Variants in GSE1 observed in about 807,000 individuals in gnomAD.
The protein encoded by GSE1 is genetic suppressor element 1.
Under a neutral mutation model 112.6 loss-of-function variants are expected in GSE1, and 32 were observed. The observed-to-expected ratio is 0.28, with a 90% confidence interval of 0.21 to 0.38. The LOEUF (loss-of-function observed/expected upper bound fraction) is 0.38, where lower values mean the gene tolerates loss of function less well. Ranked by LOEUF, GSE1 falls within the 10% of genes least tolerant of loss-of-function variation. The probability of loss-of-function intolerance (pLI) is 1.00; values close to 1 mark genes in which losing one functional copy is unlikely to be tolerated. For missense variants in GSE1, 2,348 were observed against 1,699.2 expected, an observed-to-expected ratio of 1.38 and a Z score of -6.71; for synonymous variants, 1,115 against 735.6, an observed-to-expected ratio of 1.52 and a Z score of -8.35.
intron 1 of GSE1, among the ~76,000 whole-genome samples, chr16:85,254,631 G>A (rs527371680): frequency 2.2e-4 from 33 of 152,262 alleles, no homozygotes; most frequent in Admixed American, 5.2e-4. Context: ...ACATCCTCGC[G>A]CCTCGCTCGC....
intron 2 of GSE1, among the ~76,000 whole-genome samples, chr16:85,470,460 T>C (rs1023638561): frequency 3.3e-5 from 5 of 152,220 alleles, no homozygotes; most frequent in African/African-American, 1.2e-4. Flanking sequence ...CATGGCCCCT[T>C]GGGGTCCCCT....
intron 1 of GSE1, among the ~76,000 whole-genome samples, chr16:85,263,248 C>T (rs890696730): frequency 1.3e-5 from 2 of 151,998 alleles, no homozygotes; most frequent in Admixed American, 6.6e-5. Flanking sequence ...TAGCAAAGAT[C>T]ATCAAACCTT....
chr16:85,625,548 C>G (rs116336412), intron 1 of GSE1, among the ~76,000 whole-genome samples: 2,866 of 152,314 alleles, frequency 0.019, 46 homozygotes, highest in African/African-American at 0.042. Flanking sequence ...CTTGCACTGT[C>G]CAATGCTGTT....
chr16:85,629,001 C>T (rs142888963), intron 1 of GSE1, among the ~76,000 whole-genome samples: 65 of 152,228 alleles, frequency 4.3e-4, no homozygotes, highest in South Asian at 2.5e-3. Flanking sequence ...GGGTTATCAC[C>T]GTCACCTTAG....
intron 1 of GSE1, among the ~76,000 whole-genome samples, chr16:85,208,641 G>C (rs1238448556): frequency 6.6e-6 from 1 of 152,106 alleles, no homozygotes; most frequent in African/African-American, 2.4e-5. Flanking sequence ...CTTAGCCTCA[G>C]GCTCTGTGCC....
chr16:85,648,124 A>T (rs530523831), intron 2 of GSE1, among the ~76,000 whole-genome samples: 1 of 151,606 alleles, frequency 6.6e-6, no homozygotes, highest in Non-Finnish European at 1.5e-5. Context: ...CCCTTGGTTC[A>T]TGACACCTCC....
At chr16:85,307,783 A>G (rs181372262) in intron 1 of GSE1, among the ~76,000 whole-genome samples, 1 of 152,204 alleles carries the variant, frequency 6.6e-6, no homozygotes, top group East Asian at 1.9e-4. Flanking sequence ...TATCATTAGC[A>G]TAGGCTGTTC....
intron 2 of GSE1, among the ~76,000 whole-genome samples, chr16:85,488,133 G>GT (rs750538844): frequency 5.3e-5 from 8 of 152,164 alleles, no homozygotes; most frequent in African/African-American, 1.2e-4. Context: ...GGAAGCGGAG[G>GT]AAAACCCGAG....
At position 85,419,735 on chromosome 16, in the gene GSE1, A is replaced by G. The variant is rs1015528841; in HGVS notation, c.2464+62092A>G. ...TGGAATCAGCTGGGGATCTCTAAAA[A>G]CCCCTCTGATGCCTGCCTCCCCCGC... On this transcript the variant is annotated intron_variant, in intron 2 of 2. Transcript: ENST00000637419. This position sits in a 1 kb window ranked among gnomAD's most constrained non-coding sequence, Gnocchi z 6.5. Among the ~76,000 whole-genome samples the G allele has an allele frequency of 6.6e-6, 1 of 151,526 alleles. No homozygotes were observed. The highest frequency in any genetic ancestry group is 1.5e-5 in the Non-Finnish European group (1 of 67,802).
intron 2 of GSE1, among the ~76,000 whole-genome samples, chr16:85,523,902 A>G (rs2052275943): frequency 6.6e-6 from 1 of 152,228 alleles, no homozygotes; most frequent in South Asian, 2.1e-4. Flanking sequence ...CAGGCTGAGC[A>G]GAGGTGGGAG....
chr16:85,182,824 G>A (rs2074618334), intron 1 of GSE1, among the ~76,000 whole-genome samples: 1 of 151,984 alleles, frequency 6.6e-6, no homozygotes. Flanking sequence ...TCCTGCCCCA[G>A]CATCCACAGG....
intron 2 of GSE1, among the ~76,000 whole-genome samples, chr16:85,515,069 A>G (rs2051883105): frequency 6.6e-6 from 1 of 152,256 alleles, no homozygotes; most frequent in South Asian, 2.1e-4. Flanking sequence ...ATGCATGCCT[A>G]TGGATGTGTG....
intron 1 of GSE1, among the ~76,000 whole-genome samples, chr16:85,280,700 G>T (rs1186516876): frequency 6.6e-6 from 1 of 152,142 alleles, no homozygotes; most frequent in African/African-American, 2.4e-5. Flanking sequence ...CCGGCCACAT[G>T]GTCTCTTTAA....
At chr16:85,654,058 C>G (rs925067779) in intron 3 of GSE1, among the ~76,000 whole-genome samples, 1 of 152,146 alleles carries the variant, frequency 6.6e-6, no homozygotes, top group Non-Finnish European at 1.5e-5. Context: ...GATCCCGAGA[C>G]GCACTTCACC....
chr16:85,475,388 G>A (rs983145540), intron 2 of GSE1, among the ~76,000 whole-genome samples: 2 of 152,234 alleles, frequency 1.3e-5, no homozygotes, highest in Non-Finnish European at 2.9e-5. Context: ...AGGCTAGGGC[G>A]GGATGCAGGC....
At chr16:85,497,451 A>C (rs1465783993) in intron 2 of GSE1, among the ~76,000 whole-genome samples, 1 of 152,182 alleles carries the variant, frequency 6.6e-6, no homozygotes, top group Non-Finnish European at 1.5e-5. Flanking sequence ...GTTGGGATAG[A>C]CAAGGTCGTG....
chr16:85,621,443 G>C (rs7202509), intron 1 of GSE1, among the ~76,000 whole-genome samples: 23,341 of 152,258 alleles, frequency 0.15, 5,702 homozygotes, highest in African/African-American at 0.52. Flanking sequence ...ATGTCCTGGC[G>C]TCCTTTTTTG....
intron 1 of GSE1, among the ~76,000 whole-genome samples, chr16:85,286,247 T>C (rs577431148): frequency 3.9e-5 from 6 of 152,186 alleles, no homozygotes; most frequent in Middle Eastern, 3.4e-3. Flanking sequence ...CAATACGGGG[T>C]TCAGGCGGGT....
intron 2 of GSE1, among the ~76,000 whole-genome samples, chr16:85,480,075 A>G (rs2050623623): frequency 6.6e-6 from 1 of 152,174 alleles, no homozygotes; most frequent in Non-Finnish European, 1.5e-5. Flanking sequence ...CACTTGGTTG[A>G]AATCACTGAC....
Sources: allele counts gnomAD v4.1 joint callset (sites outside exome capture counted in the v4.1 genomes callset), GRCh38; gene constraint gnomAD v4.1.1; non-coding constraint Gnocchi (gnomAD v3.1); transcripts MANE v1.5; gene names NCBI Gene and HGNC (gene_info 2026-07-23, HGNC 2026-07-21).